Variants in GABRB1 observed in about 807,000 individuals in gnomAD.
GABRB1 encodes the protein gamma-aminobutyric acid type A receptor subunit beta1, also known as gamma-aminobutyric acid receptor subunit beta-1.
GABRB1 carries 17 observed loss-of-function variants against 51.6 expected under a neutral mutation model. The ratio of observed to expected loss-of-function variants is 0.33; its 90% CI spans 0.23 to 0.49. The LOEUF (loss-of-function observed/expected upper bound fraction) is 0.49, where lower values mean the gene tolerates loss of function less well. GABRB1 is among the 20% of genes least tolerant of loss of function. The pLI is 0.99. For synonymous variants in GABRB1, 247 were observed against 218.9 expected, an observed-to-expected ratio of 1.13 and a Z score of -1.14; for missense variants, 410 against 600.6, an observed-to-expected ratio of 0.68 and a Z score of 3.32.
chr4:47,130,325 C>CTGTGTGTGTGTG (rs67244692), intron 3 of GABRB1, among the ~76,000 whole-genome samples: 1 of 133,660 alleles, frequency 7.5e-6, no homozygotes, highest in African/African-American at 3.0e-5. Context: ...GCTCCAGATA[C>CTGTGTGTGTGTG]TGTGTGTGTG....
At chr4:47,263,769 T>C (rs926505775) in intron 4 of GABRB1, among the ~76,000 whole-genome samples, 8 of 152,194 alleles carry the variant, frequency 5.3e-5, no homozygotes, top group Admixed American at 1.3e-4. Context: ...AAGGAAAAGC[T>C]AAATTCTTAT....
chr4:47,134,686 T>A (rs1041919010), intron 3 of GABRB1, among the ~76,000 whole-genome samples: 8 of 152,176 alleles, frequency 5.3e-5, no homozygotes, highest in Non-Finnish European at 7.3e-5. Context: ...ATTTTAGTCT[T>A]GAAGTAGAGA....
At chr4:47,395,407 G>A (rs1728146521) in intron 5 of GABRB1, among the ~76,000 whole-genome samples, 1 of 152,062 alleles carries the variant, frequency 6.6e-6, no homozygotes, top group African/African-American at 2.4e-5. Flanking sequence ...GAACTCATTC[G>A]CTAACACGAG....
At chr4:47,213,774 C>T (rs1292945795) in intron 4 of GABRB1, among the ~76,000 whole-genome samples, 3 of 151,034 alleles carry the variant, frequency 2.0e-5, no homozygotes, top group African/African-American at 7.3e-5. Context: ...TTTGGGGGGC[C>T]AGTAATAACA....
chr4:47,348,801 G>A (rs990718079), intron 5 of GABRB1, among the ~76,000 whole-genome samples: 3 of 152,250 alleles, frequency 2.0e-5, no homozygotes, highest in South Asian at 2.1e-4. Context: ...GATTGACTCC[G>A]ATAAATTAAA....
intron 4 of GABRB1, among the ~76,000 whole-genome samples, chr4:47,179,575 A>G (rs1212623579): frequency 6.6e-6 from 1 of 152,136 alleles, no homozygotes; most frequent in East Asian, 1.9e-4. Flanking sequence ...ACCAACATAT[A>G]TGTTTTACTT....
chr4:47,061,980 C>G (rs1726863916), intron 3 of GABRB1, among the ~76,000 whole-genome samples: 1 of 152,090 alleles, frequency 6.6e-6, no homozygotes, highest in Admixed American at 6.6e-5. Context: ...ATGATGCTGC[C>G]AAGATAGATC....
intron 4 of GABRB1, among the ~76,000 whole-genome samples, chr4:47,310,529 A>T (rs572949682): frequency 6.6e-6 from 1 of 152,206 alleles, no homozygotes; most frequent in Non-Finnish European, 1.5e-5. Flanking sequence ...TCATGGAAGA[A>T]ATGTTACTGA....
intron 5 of GABRB1, among the ~76,000 whole-genome samples, chr4:47,366,131 C>G (rs979973200): frequency 1.3e-5 from 2 of 152,186 alleles, no homozygotes; most frequent in Non-Finnish European, 2.9e-5. Context: ...CATAGGTTCC[C>G]ATTTTGAACA....
intron 4 of GABRB1, among the ~76,000 whole-genome samples, chr4:47,262,224 A>G (rs1391316129): frequency 2.0e-5 from 3 of 152,188 alleles, no homozygotes; most frequent in Non-Finnish European, 4.4e-5. Context: ...GCTTCCGCAC[A>G]GCAAAAGAAA....
chr4:47,339,310 G>T (rs982106201), intron 5 of GABRB1, among the ~76,000 whole-genome samples: 6 of 152,182 alleles, frequency 3.9e-5, no homozygotes, highest in African/African-American at 1.2e-4. Context: ...CACAGCATCT[G>T]TGTACATTTC....
At chr4:47,019,668 T>TTTCTTTCTTTCTTTCC (rs1724861715) in intron 1 of GABRB1, among the ~76,000 whole-genome samples, 1 of 143,514 alleles carries the variant, frequency 7.0e-6, no homozygotes, top group African/African-American at 2.7e-5. Flanking sequence ...TCTTTCTTTC[T>TTTCTTTCTTTCTTTCC]TTCTTTCTTT....
intron 5 of GABRB1, among the ~76,000 whole-genome samples, chr4:47,378,257 G>A (rs370341252): frequency 6.6e-6 from 1 of 152,222 alleles, no homozygotes; most frequent in Non-Finnish European, 1.5e-5. Flanking sequence ...CAGCACTGAT[G>A]GGGGGACCCA....
At chr4:47,218,955 A>C (rs1357200505) in intron 4 of GABRB1, among the ~76,000 whole-genome samples, 1 of 151,796 alleles carries the variant, frequency 6.6e-6, no homozygotes, top group Non-Finnish European at 1.5e-5. Flanking sequence ...AGTAGTGTGC[A>C]TTCTCTTCAT....
chr4:47,386,536 A>T (rs1727800213), intron 5 of GABRB1, among the ~76,000 whole-genome samples: 1 of 152,208 alleles, frequency 6.6e-6, no homozygotes, highest in African/African-American at 2.4e-5. Context: ...AGTAACCGTC[A>T]CTGTGATCTT....
chr4:47,422,622 C>T (rs540829183), intron 8 of GABRB1, among the ~76,000 whole-genome samples: 1 of 152,266 alleles, frequency 6.6e-6, no homozygotes, highest in East Asian at 1.9e-4. Flanking sequence ...TTCTCTACCT[C>T]TATAGTTTCT....
At chr4:47,295,463 A>C (rs111839215) in intron 4 of GABRB1, among the ~76,000 whole-genome samples, 3 of 152,252 alleles carry the variant, frequency 2.0e-5, no homozygotes, top group Non-Finnish European at 2.9e-5. Context: ...TGAAGAATGC[A>C]GAAGCCTCAG....
intron 4 of GABRB1, among the ~76,000 whole-genome samples, chr4:47,317,445 A>T (rs1206632970): frequency 3.9e-5 from 6 of 152,090 alleles, no homozygotes; most frequent in African/African-American, 1.4e-4. Context: ...TTGAATCACT[A>T]TGAGACTAAA....
chr4:47,229,653 T>C (rs1374239948), intron 4 of GABRB1, among the ~76,000 whole-genome samples: 1 of 152,146 alleles, frequency 6.6e-6, no homozygotes, highest in African/African-American at 2.4e-5. Flanking sequence ...TTAATGATTC[T>C]TCGAGTTTAT....
Sources: allele counts gnomAD v4.1 joint callset (sites outside exome capture counted in the v4.1 genomes callset), GRCh38; gene constraint gnomAD v4.1.1; transcripts MANE v1.5; gene names NCBI Gene and HGNC (gene_info 2026-07-23, HGNC 2026-07-21).